PID1: variants seen among roughly 807,000 people sequenced by gnomAD.
PID1 encodes the protein phosphotyrosine interaction domain containing 1, also known as PTB-containing, cubilin and LRP1-interacting protein.
A neutral mutation model predicts 19.1 loss-of-function variants in PID1; 10 were observed. The ratio of observed to expected loss-of-function variants is 0.52; its 90% CI spans 0.32 to 0.89. The LOEUF (loss-of-function observed/expected upper bound fraction) is 0.89. Among genes scored for constraint, PID1 ranks in the 40% least tolerant of loss-of-function variants. The probability of loss-of-function intolerance (pLI) is 0.03; values close to 1 mark genes in which losing one functional copy is unlikely to be tolerated. For synonymous variants in PID1, 130 were observed against 116.0 expected, an observed-to-expected ratio of 1.12 and a Z score of -0.78; for missense variants, 248 against 285.3, an observed-to-expected ratio of 0.87 and a Z score of 0.94.
chr2:229,222,905 A>G (rs886520435), intron 1 of PID1, among the ~76,000 whole-genome samples: 1 of 148,590 alleles, frequency 6.7e-6, no homozygotes, highest in African/African-American at 2.5e-5. Flanking sequence ...ACACACATGT[A>G]CCCTATTGGT....
At chr2:229,257,249 A>C (rs1690325382) in intron 1 of PID1, among the ~76,000 whole-genome samples, 1 of 152,226 alleles carries the variant, frequency 6.6e-6, no homozygotes. Flanking sequence ...ATTAGTATCC[A>C]ACCACTGCAT....
At chr2:229,216,843 C>A (rs1691857476) in intron 1 of PID1, among the ~76,000 whole-genome samples, 1 of 151,920 alleles carries the variant, frequency 6.6e-6, no homozygotes, top group African/African-American at 2.4e-5. Flanking sequence ...AAATTCTCTC[C>A]TGAAAAAGGC....
chr2:229,032,098 C>A (rs1304838064), intron 2 of PID1, among the ~76,000 whole-genome samples: 1 of 152,142 alleles, frequency 6.6e-6, no homozygotes, highest in Non-Finnish European at 1.5e-5. Flanking sequence ...TGCATGCAAC[C>A]ATGCCCCCTG....
chr2:229,212,918 C>T (rs1039555457), intron 1 of PID1, among the ~76,000 whole-genome samples: 1 of 152,098 alleles, frequency 6.6e-6, no homozygotes, highest in Non-Finnish European at 1.5e-5. Context: ...CTCACCCCAT[C>T]CCCATCCCGT....
chr2:229,235,430 G>A (rs550465829), intron 1 of PID1, among the ~76,000 whole-genome samples: 1 of 152,264 alleles, frequency 6.6e-6, no homozygotes, highest in South Asian at 2.1e-4. Context: ...AAGGAGACAC[G>A]AGAAAGGGAA....
intron 2 of PID1, among the ~76,000 whole-genome samples, chr2:229,125,477 A>G (rs1411684361): frequency 6.6e-6 from 1 of 152,012 alleles, no homozygotes; most frequent in Admixed American, 6.6e-5. Context: ...CTTCTCTATT[A>G]ATTATTGACG....
At chr2:229,096,594 T>C (rs1694975167) in intron 2 of PID1, among the ~76,000 whole-genome samples, 1 of 152,184 alleles carries the variant, frequency 6.6e-6, no homozygotes, top group Non-Finnish European at 1.5e-5. Flanking sequence ...TTTTGAATTA[T>C]TGGTCTTTCC....
chr2:229,195,094 T>C (rs1342033568), intron 1 of PID1, among the ~76,000 whole-genome samples: 2 of 151,970 alleles, frequency 1.3e-5, no homozygotes, highest in Non-Finnish European at 2.9e-5. Flanking sequence ...AATACAAATT[T>C]ATCTGCATCG....
At chr2:229,113,509 C>CATACATATAT (rs1553563378) in intron 2 of PID1, among the ~76,000 whole-genome samples, 1 of 138,204 alleles carries the variant, frequency 7.2e-6, no homozygotes, top group African/African-American at 2.7e-5. Context: ...TGTGTGTATA[C>CATACATATAT]ATATATATAT....
chr2:229,035,163 T>C (rs1270079731), intron 2 of PID1, among the ~76,000 whole-genome samples: 2 of 152,190 alleles, frequency 1.3e-5, no homozygotes, highest in South Asian at 4.1e-4. Flanking sequence ...TATTCTTTTT[T>C]AGATGTGATT....
intron 1 of PID1, among the ~76,000 whole-genome samples, chr2:229,220,702 A>G (rs1390029238): frequency 1.3e-5 from 2 of 152,206 alleles, no homozygotes; most frequent in African/African-American, 4.8e-5. Context: ...GTTTGCCCGT[A>G]TCAAATAGCA....
chr2:229,198,108 A>C (rs926675437), intron 1 of PID1, among the ~76,000 whole-genome samples: 7 of 152,072 alleles, frequency 4.6e-5, no homozygotes, highest in Admixed American at 2.6e-4. Flanking sequence ...TTGAGAAATC[A>C]GTCTTAGCTT....
chr2:229,070,973 T>C (rs1195881208), intron 2 of PID1, among the ~76,000 whole-genome samples: 1 of 152,212 alleles, frequency 6.6e-6, no homozygotes, highest in Non-Finnish European at 1.5e-5. Context: ...CACTAGTACA[T>C]GCTTCACATG....
intron 1 of PID1, among the ~76,000 whole-genome samples, chr2:229,157,175 C>G (rs1408430115): frequency 1.3e-5 from 2 of 152,220 alleles, no homozygotes; most frequent in Admixed American, 6.5e-5. Context: ...TTTAATGTCC[C>G]CATCTTGAAA....
chr2:229,265,786 T>C (rs1189194601), intron 1 of PID1, among the ~76,000 whole-genome samples: 1 of 152,046 alleles, frequency 6.6e-6, no homozygotes, highest in Admixed American at 6.5e-5. Context: ...TCTCCCAGAG[T>C]CTCCTCCAAG....
chr2:229,100,883 A>G (rs1355036018), intron 2 of PID1, among the ~76,000 whole-genome samples: 1 of 152,242 alleles, frequency 6.6e-6, no homozygotes, highest in Admixed American at 6.5e-5. Context: ...GAAATCTGAC[A>G]TCACAGCATA....
chr2:229,054,725 G>T lies in PID1; in HGVS notation c.178-28617C>A, dbSNP rs960752464. ...TGCAGTGTGTGTGTGTGTGTGGGGG[G>T]GGGGGGGGGTCTGGTTTTACTCAAT... On this transcript the variant is annotated intron_variant, in intron 2 of 2. Transcript: ENST00000392055. 1.5e-3 allele frequency among the ~76,000 whole-genome samples: 175 copies of T among 115,594 alleles called. 2 individuals are homozygous for T. The highest frequency in any genetic ancestry group is 3.6e-3 in the African/African-American group (104 of 28,570). 75.8% of individuals were successfully genotyped at this position (115,594 alleles called of 152,430 possible).
intron 2 of PID1, among the ~76,000 whole-genome samples, chr2:229,031,504 G>C (rs1693555000): frequency 6.6e-6 from 1 of 152,048 alleles, no homozygotes; most frequent in Non-Finnish European, 1.5e-5. Flanking sequence ...GTTGCAGAGG[G>C]CTATGATTGC....
rs373977308 is a variant in PID1, at chr2:229,220,025, CT to C, written c.30+50988del. On this transcript the variant is annotated intron_variant, in intron 1 of 2. Coordinates refer to ENST00000392055, the MANE Select transcript of PID1 (RefSeq NM_001100818.2). ...CATTTGTCCTTTTGTTTTGGGGACT[CT>C]TTTTTTTTTTTGAATCAAGGCCTCA... 5.2e-3 allele frequency among the ~76,000 whole-genome samples: 737 copies of C among 142,872 alleles called. 6 individuals are homozygous for C. Among genetic ancestry groups the C allele is most frequent in the Admixed American group, 0.015 (218 of 14,342 alleles). 93.7% of individuals were successfully genotyped at this position (142,872 alleles called of 152,430 possible).
Sources: gnomAD v4.1 joint callset for allele counts (sites outside exome capture counted in the v4.1 genomes callset) on GRCh38, gnomAD v4.1.1 for gene constraint, MANE v1.5 for transcripts, NCBI Gene and HGNC (gene_info 2026-07-23, HGNC 2026-07-21) for gene names.